CTNND2: variants seen among roughly 807,000 people sequenced by gnomAD.
The protein encoded by CTNND2 is catenin delta 2.
A neutral mutation model predicts 144.4 loss-of-function variants in CTNND2; 22 were observed. The ratio of observed to expected loss-of-function variants is 0.15; its 90% CI spans 0.11 to 0.22. The LOEUF (loss-of-function observed/expected upper bound fraction) is 0.22, where lower values mean the gene tolerates loss of function less well. CTNND2 is among the 10% of genes least tolerant of loss of function. CTNND2 has a pLI of 1.00. For missense variants in CTNND2, 1,353 were observed against 1,618.8 expected (o/e 0.84, Z 2.82); for synonymous variants, 751 against 695.6 (o/e 1.08, Z -1.25).
intron 1 of CTNND2, among the ~76,000 whole-genome samples, chr5:11,848,192 A>G (rs1046430971): frequency 6.8e-6 from 1 of 146,312 alleles, no homozygotes; most frequent in Non-Finnish European, 1.5e-5. Flanking sequence ...TTGTGTTTAA[A>G]CATTGCTACA....
intron 15 of CTNND2, among the ~76,000 whole-genome samples, chr5:11,091,801 A>G (rs1376617510): frequency 3.3e-5 from 5 of 152,146 alleles, no homozygotes; most frequent in African/African-American, 1.2e-4. Context: ...GCACCCCCAC[A>G]TGAGTGTCCG....
chr5:11,051,911 C>A (rs1948752), intron 16 of CTNND2, among the ~76,000 whole-genome samples: 64 of 152,170 alleles, frequency 4.2e-4, no homozygotes, highest in Non-Finnish European at 5.7e-4. Context: ...TTCTTCACTA[C>A]GTAACGTTGT....
chr5:11,632,095 G>C (rs1001494572), intron 2 of CTNND2, among the ~76,000 whole-genome samples: 4 of 152,192 alleles, frequency 2.6e-5, no homozygotes, highest in Non-Finnish European at 5.9e-5. Flanking sequence ...GCAGCTCCTT[G>C]ATAGCAATAA....
intron 5 of CTNND2, among the ~76,000 whole-genome samples, chr5:11,399,468 T>C (rs996678383): frequency 2.6e-5 from 4 of 152,238 alleles, no homozygotes; most frequent in Non-Finnish European, 5.9e-5. Context: ...AGTATGTAGT[T>C]AGCAAGTTAA....
At chr5:11,433,192 G>A (rs1763451607) in intron 3 of CTNND2, among the ~76,000 whole-genome samples, 1 of 152,132 alleles carries the variant, frequency 6.6e-6, no homozygotes, top group African/African-American at 2.4e-5. Context: ...CTTGCAGTGA[G>A]CCCAGATCAC....
chr5:11,149,283 C>T (rs1469186302), intron 12 of CTNND2, among the ~76,000 whole-genome samples: 2 of 152,132 alleles, frequency 1.3e-5, no homozygotes, highest in African/African-American at 2.4e-5. Flanking sequence ...TTGGCAGAAC[C>T]CTCATGTGTT....
chr5:11,378,656 CAT>C (rs1321230540), intron 7 of CTNND2, among the ~76,000 whole-genome samples: 2 of 152,212 alleles, frequency 1.3e-5, no homozygotes, highest in African/African-American at 4.8e-5. Context: ...AGCCAGATAT[CAT>C]GTTGCATTTT....
intron 1 of CTNND2, among the ~76,000 whole-genome samples, chr5:11,876,179 A>C (rs1317310582): frequency 6.6e-6 from 1 of 151,024 alleles, no homozygotes; most frequent in Non-Finnish European, 1.5e-5. Flanking sequence ...GATTTCAGAT[A>C]GATAGGTAGA....
intron 1 of CTNND2, among the ~76,000 whole-genome samples, chr5:11,763,473 AT>A (rs1432335783): frequency 1.3e-5 from 2 of 152,158 alleles, no homozygotes; most frequent in African/African-American, 4.8e-5. Flanking sequence ...TGCACAGGTT[AT>A]TTGGCTTATT....
chr5:11,387,405 G>A (rs1277719780), intron 6 of CTNND2, among the ~76,000 whole-genome samples: 1 of 152,106 alleles, frequency 6.6e-6, no homozygotes, highest in Non-Finnish European at 1.5e-5. Flanking sequence ...AAGACACTTG[G>A]ATTTGGAGGG....
intron 2 of CTNND2, among the ~76,000 whole-genome samples, chr5:11,619,564 T>C (rs1780738581): frequency 1.3e-5 from 2 of 152,190 alleles, no homozygotes; most frequent in Non-Finnish European, 2.9e-5. Flanking sequence ...CAGGAGTCTC[T>C]GTTGATCAGA....
intron 16 of CTNND2, among the ~76,000 whole-genome samples, chr5:11,081,553 T>C (rs371945909): frequency 2.6e-5 from 4 of 152,226 alleles, no homozygotes; most frequent in African/African-American, 7.2e-5. Context: ...TGGAGCATCA[T>C]GTTGGCACTC....
intron 9 of CTNND2, among the ~76,000 whole-genome samples, chr5:11,264,229 T>C (rs1485774377): frequency 6.6e-6 from 1 of 152,226 alleles, no homozygotes; most frequent in Non-Finnish European, 1.5e-5. Flanking sequence ...TTCAAAAAGC[T>C]ATACTGAACT....
chr5:11,291,823 A>T (rs1748379262), intron 9 of CTNND2, among the ~76,000 whole-genome samples: 1 of 152,210 alleles, frequency 6.6e-6, no homozygotes, highest in Non-Finnish European at 1.5e-5. Flanking sequence ...ATGAAAACAT[A>T]CAGACAAAAC....
intron 9 of CTNND2, among the ~76,000 whole-genome samples, chr5:11,312,241 TCA>T (rs1003954725): frequency 3.4e-5 from 4 of 116,286 alleles, no homozygotes; most frequent in African/African-American, 1.3e-4. Flanking sequence ...CACCCCACAC[TCA>T]CACACACTCC....
intron 3 of CTNND2, among the ~76,000 whole-genome samples, chr5:11,461,673 G>A (rs1766238184): frequency 6.6e-6 from 1 of 152,054 alleles, no homozygotes; most frequent in Admixed American, 6.5e-5. Flanking sequence ...TTTCCAAGCT[G>A]GAATGGATTT....
chr5:11,853,567 T>C (rs1561859808), intron 1 of CTNND2, among the ~76,000 whole-genome samples: 1 of 152,174 alleles, frequency 6.6e-6, no homozygotes, highest in Non-Finnish European at 1.5e-5. Flanking sequence ...TGCCTACTGA[T>C]CCACTGCCAC....
At chr5:11,277,529 T>TATTTATTTATAC (rs1554019025) in intron 9 of CTNND2, among the ~76,000 whole-genome samples, 2 of 149,208 alleles carry the variant, frequency 1.3e-5, no homozygotes, top group Non-Finnish European at 3.0e-5. Context: ...TTTATTTATT[T>TATTTATTTATAC]ATTTATTTAT....
In CTNND2 at chr5:11,623,070, T is replaced by C. The variant is rs368376079; in HGVS notation, c.175-58014A>G. On this transcript the variant is annotated intron_variant, in intron 2 of 21. Coordinates refer to ENST00000304623, the MANE Select transcript of CTNND2 (RefSeq NM_001332.4). ...ATGAGAAACTTAACTACGCTGTTGG[T>C]CTTTGATATTTTTCCAGCAGAAATA... 7.2e-5 allele frequency among the ~76,000 whole-genome samples: 11 copies of C among 152,298 alleles called. No individual in the cohort carries two copies. The East Asian group carries it at 1.7e-3, about 24-fold the overall frequency.
Sources: allele counts gnomAD v4.1 joint callset (sites outside exome capture counted in the v4.1 genomes callset), GRCh38; gene constraint gnomAD v4.1.1; transcripts MANE v1.5; gene names NCBI Gene and HGNC (gene_info 2026-07-23, HGNC 2026-07-21).